Variants in RABGAP1L observed in about 807,000 individuals in gnomAD.
RABGAP1L encodes the protein rab GTPase-activating protein 1-like.
RABGAP1L carries 63 observed loss-of-function variants against 137.7 expected under a neutral mutation model. That is an observed-to-expected ratio of 0.46 (90% CI 0.37 to 0.56). The LOEUF (loss-of-function observed/expected upper bound fraction) is 0.56, where lower values mean the gene tolerates loss of function less well. Ranked by LOEUF, RABGAP1L falls within the 20% of genes least tolerant of loss-of-function variation. RABGAP1L has a pLI of 0.00. For synonymous variants in RABGAP1L, 431 were observed against 433.7 expected (o/e 0.99, Z 0.08); for missense variants, 1,095 against 1,244.0 (o/e 0.88, Z 1.80).
chr1:174,376,382 C>T (rs535237371), intron 12 of RABGAP1L, among the ~76,000 whole-genome samples: 8 of 151,986 alleles, frequency 5.3e-5, no homozygotes, highest in Non-Finnish European at 1.0e-4. Context: ...GAAAATATTA[C>T]AGAAAAGAAA....
intron 17 of RABGAP1L, among the ~76,000 whole-genome samples, chr1:174,731,257 C>T (rs1558027048): frequency 6.6e-6 from 1 of 152,196 alleles, no homozygotes. Flanking sequence ...CAAGCGTGAG[C>T]CACCGCACCC....
At chr1:174,580,657 C>T (rs1332763593) in intron 13 of RABGAP1L, among the ~76,000 whole-genome samples, 8 of 152,080 alleles carry the variant, frequency 5.3e-5, no homozygotes, top group Non-Finnish European at 1.2e-4. Context: ...GGAGGGATAG[C>T]ATTAGGAGAT....
intron 13 of RABGAP1L, among the ~76,000 whole-genome samples, chr1:174,569,528 C>T (rs989853537): frequency 6.6e-6 from 1 of 152,202 alleles, no homozygotes; most frequent in East Asian, 1.9e-4. Context: ...AAGCTGCTCT[C>T]TGGGGTTTCC....
At chr1:174,585,807 T>C (rs1203836113) in intron 13 of RABGAP1L, among the ~76,000 whole-genome samples, 3 of 152,194 alleles carry the variant, frequency 2.0e-5, no homozygotes, top group Admixed American at 6.5e-5. Context: ...GGTTGACTGA[T>C]TGCAGGCAAA....
intron 15 of RABGAP1L, among the ~76,000 whole-genome samples, chr1:174,694,034 A>G (rs1055504642): frequency 1.3e-5 from 2 of 152,164 alleles, no homozygotes; most frequent in Admixed American, 1.3e-4. Flanking sequence ...ATAAAAATAC[A>G]TTGTAATGAC....
intron 19 of RABGAP1L, among the ~76,000 whole-genome samples, chr1:174,911,143 T>A (rs931029263): frequency 2.6e-5 from 4 of 152,224 alleles, no homozygotes; most frequent in South Asian, 4.1e-4. Flanking sequence ...TAAATTTTTT[T>A]ATTTTTATTG....
At chr1:174,970,373 C>T (rs1670030059) in intron 21 of RABGAP1L, among the ~76,000 whole-genome samples, 1 of 152,148 alleles carries the variant, frequency 6.6e-6, no homozygotes, top group Non-Finnish European at 1.5e-5. Flanking sequence ...TTGATTCTGC[C>T]ATTTTGAATC....
At chr1:174,403,247 G>GTGTGTA (rs1210664506) in intron 13 of RABGAP1L, among the ~76,000 whole-genome samples, 47 of 129,400 alleles carry the variant, frequency 3.6e-4, no homozygotes, top group East Asian at 3.5e-3. Context: ...GTGTGTGTGT[G>GTGTGTA]TATATATATG....
At chr1:174,872,043 C>G (rs1652289059) in intron 19 of RABGAP1L, among the ~76,000 whole-genome samples, 1 of 152,212 alleles carries the variant, frequency 6.6e-6, no homozygotes, top group Non-Finnish European at 1.5e-5. Context: ...ACCTCACCCT[C>G]ATTCTTTGTG....
chr1:174,217,321 GGGCA>G (rs1669413582), intron 1 of RABGAP1L, among the ~76,000 whole-genome samples: 1 of 152,174 alleles, frequency 6.6e-6, no homozygotes, highest in Admixed American at 6.6e-5. Context: ...GTGAATTTCA[GGGCA>G]GGAATTTAGA....
intron 11 of RABGAP1L, among the ~76,000 whole-genome samples, chr1:174,350,133 G>T (rs1453543237): frequency 3.5e-5 from 5 of 142,536 alleles, no homozygotes; most frequent in Admixed American, 1.3e-4. Context: ...GGCCGGGTGG[G>T]GGGGCTGACC....
chr1:174,617,434 A>G (rs1325818407), intron 13 of RABGAP1L, among the ~76,000 whole-genome samples: 1 of 152,366 alleles, frequency 6.6e-6, no homozygotes, highest in Non-Finnish European at 1.5e-5. Flanking sequence ...GAATGAGGAT[A>G]TTTAATTTAC....
chr1:174,871,226 C>G (rs574907917), intron 19 of RABGAP1L, among the ~76,000 whole-genome samples: 7 of 151,968 alleles, frequency 4.6e-5, no homozygotes, highest in Non-Finnish European at 7.4e-5. Flanking sequence ...TGCAGTGGCG[C>G]GATCTCAGCT....
intron 1 of RABGAP1L, among the ~76,000 whole-genome samples, chr1:174,164,459 C>A (rs1330735840): frequency 6.6e-6 from 1 of 152,336 alleles, no homozygotes; most frequent in South Asian, 2.1e-4. Context: ...AGCGCACACA[C>A]ACACAAAGTT....
At chr1:174,752,810 T>C (rs1369135354) in intron 18 of RABGAP1L, among the ~76,000 whole-genome samples, 1 of 152,214 alleles carries the variant, frequency 6.6e-6, no homozygotes, top group Non-Finnish European at 1.5e-5. Context: ...GTTCTTTCCA[T>C]GATAGTTAGA....
chr1:174,492,290 C>T (rs1373268384), intron 13 of RABGAP1L, among the ~76,000 whole-genome samples: 4 of 150,616 alleles, frequency 2.7e-5, no homozygotes, highest in Non-Finnish European at 4.4e-5. Flanking sequence ...AAGTGATTCT[C>T]CTGCCTCAAC....
chr1:174,306,153 C>T (rs1011091382), intron 11 of RABGAP1L, among the ~76,000 whole-genome samples: 1 of 152,178 alleles, frequency 6.6e-6, no homozygotes, highest in African/African-American at 2.4e-5. Context: ...TTTTCGTAAT[C>T]CAGTCTATCA....
intron 11 of RABGAP1L, among the ~76,000 whole-genome samples, chr1:174,353,841 G>A (rs1055409034): frequency 1.3e-5 from 2 of 152,172 alleles, no homozygotes; most frequent in Admixed American, 6.5e-5. Flanking sequence ...TTTCCTCACT[G>A]CAGTGCCTCT....
chr1:174,709,062 C>T (rs1161470043), intron 17 of RABGAP1L, among the ~76,000 whole-genome samples: 5 of 152,140 alleles, frequency 3.3e-5, no homozygotes, highest in East Asian at 3.9e-4. Context: ...CCAGGAAATT[C>T]GAACTAGTTG....
Sources: allele counts gnomAD v4.1 joint callset (sites outside exome capture counted in the v4.1 genomes callset), GRCh38; gene constraint gnomAD v4.1.1; transcripts MANE v1.5; gene names NCBI Gene and HGNC (gene_info 2026-07-23, HGNC 2026-07-21).